Variants in CTNNA2 observed in about 807,000 individuals in gnomAD.
CTNNA2 encodes catenin alpha 2.
A neutral mutation model predicts 101.0 loss-of-function variants in CTNNA2; 42 were observed. That is an observed-to-expected ratio of 0.42 (90% CI 0.32 to 0.54). The LOEUF (loss-of-function observed/expected upper bound fraction) is 0.54. CTNNA2 is among the 20% of genes least tolerant of loss of function. The pLI is 0.14. For synonymous variants in CTNNA2, 450 were observed against 456.4 expected (o/e 0.99, Z 0.18); for missense variants, 871 against 1,223.1 (o/e 0.71, Z 4.29).
chr2:79,302,569 G>T (rs750688376), intron 2 of CTNNA2, among the ~76,000 whole-genome samples: 3 of 152,078 alleles, frequency 2.0e-5, no homozygotes, highest in Admixed American at 6.6e-5. Flanking sequence ...GAAGATTGAG[G>T]TATCTTGAGA....
chr2:80,559,732 C>T (rs1325599346), intron 12 of CTNNA2, among the ~76,000 whole-genome samples: 1 of 151,954 alleles, frequency 6.6e-6, no homozygotes, highest in Non-Finnish European at 1.5e-5. Flanking sequence ...ATGGGCTCTT[C>T]AATAAAACCT....
intron 7 of CTNNA2, among the ~76,000 whole-genome samples, chr2:80,216,961 C>G (rs1285415600): frequency 6.6e-6 from 1 of 151,870 alleles, no homozygotes; most frequent in Non-Finnish European, 1.5e-5. Flanking sequence ...CCTCAGCCTC[C>G]CACGTAGCTG....
intron 7 of CTNNA2, among the ~76,000 whole-genome samples, chr2:80,367,828 T>C (rs1675076724): frequency 1.3e-5 from 2 of 152,136 alleles, no homozygotes; most frequent in South Asian, 4.1e-4. Context: ...TGTTGGTTTG[T>C]TTTTATCATT....
chr2:80,467,089 A>T (rs2149480573), intron 9 of CTNNA2, among the ~76,000 whole-genome samples: 1 of 152,280 alleles, frequency 6.6e-6, no homozygotes, highest in African/African-American at 2.4e-5. Context: ...CAAATACCTT[A>T]ACATAAAGAA....
At chr2:79,429,207 G>T (rs562515975) in intron 4 of CTNNA2, among the ~76,000 whole-genome samples, 7 of 152,104 alleles carry the variant, frequency 4.6e-5, no homozygotes, top group African/African-American at 1.7e-4. Flanking sequence ...AACAATATGG[G>T]ATCTGTTAAG....
At chr2:80,566,530 A>G (rs1185810718) in intron 12 of CTNNA2, among the ~76,000 whole-genome samples, 2 of 152,200 alleles carry the variant, frequency 1.3e-5, no homozygotes, top group Non-Finnish European at 2.9e-5. Flanking sequence ...AAATCCCACA[A>G]CATGGACTTA....
At chr2:80,246,840 T>A (rs557771715) in intron 7 of CTNNA2, among the ~76,000 whole-genome samples, 4 of 152,338 alleles carry the variant, frequency 2.6e-5, no homozygotes, top group African/African-American at 9.6e-5. Context: ...TTACATTAAC[T>A]GGTTAATTGC....
intron 7 of CTNNA2, among the ~76,000 whole-genome samples, chr2:80,335,159 T>C (rs988200325): frequency 1.3e-5 from 2 of 152,148 alleles, no homozygotes; most frequent in African/African-American, 4.8e-5. Context: ...GGGAGAAAAC[T>C]TTCATTAGAG....
intron 2 of CTNNA2, among the ~76,000 whole-genome samples, chr2:79,251,283 C>A (rs555296970): frequency 6.6e-6 from 1 of 152,188 alleles, no homozygotes; most frequent in Non-Finnish European, 1.5e-5. Flanking sequence ...ATTCAAAAAA[C>A]CCTGCTGTTT....
rs553960841 is a variant in CTNNA2, at chr2:79,322,093, T to C, written c.-318+9297T>C. Among the ~76,000 whole-genome samples, 12 of 152,298 alleles carry C rather than the reference T, an allele frequency of 7.9e-5. No homozygotes were observed. The South Asian group carries it at 1.0e-3, about 13-fold the overall frequency. On this transcript the variant is annotated intron_variant, in intron 3 of 21. Coordinates refer to the CTNNA2 transcript ENST00000466387. ...AAACTAATTAGGGAACAATTAATAA[T>C]TCAAAACTGTAATAAAGCTGTTTTA...
intron 7 of CTNNA2, among the ~76,000 whole-genome samples, chr2:80,168,665 G>A (rs1353573232): frequency 1.3e-5 from 2 of 152,110 alleles, no homozygotes; most frequent in African/African-American, 4.8e-5. Context: ...AATCTTGGTT[G>A]CACATTTACA....
At chr2:79,355,747 T>A (rs1677495287) in intron 3 of CTNNA2, among the ~76,000 whole-genome samples, 2 of 152,186 alleles carry the variant, frequency 1.3e-5, no homozygotes, top group South Asian at 4.1e-4. Context: ...GTTTTCTAGG[T>A]TATCCACATT....
intron 4 of CTNNA2, among the ~76,000 whole-genome samples, chr2:79,411,939 A>T (rs961019842): frequency 2.0e-5 from 3 of 152,170 alleles, no homozygotes; most frequent in African/African-American, 7.2e-5. Context: ...CAATTAAAAG[A>T]CACAGACTGG....
chr2:79,970,675 A>AT (rs1478387572), intron 7 of CTNNA2, among the ~76,000 whole-genome samples: 1 of 152,142 alleles, frequency 6.6e-6, no homozygotes, highest in African/African-American at 2.4e-5. Flanking sequence ...TCTGTCGGGT[A>AT]TTAGATACAA....
rs556306125 is a variant in CTNNA2, at chr2:79,363,988, A to T, written c.-317-9843A>T. Among the ~76,000 whole-genome samples the T allele has an allele frequency of 5.4e-4, 83 of 152,310 alleles. 1 individual carries two copies. Among genetic ancestry groups the T allele is most frequent in the South Asian group, 1.2e-3 (6 of 4,824 alleles). ...TCCTGGAACAGAGTTTCAATCCTTAATGTGACTTTGAGCTGGAGAAAAGGC... is the reference window on the plus strand; with the variant it reads ...TCCTGGAACAGAGTTTCAATCCTTATTGTGACTTTGAGCTGGAGAAAAGGC... On this transcript the variant is annotated intron_variant, in intron 3 of 21. Coordinates refer to the CTNNA2 transcript ENST00000466387.
chr2:79,952,347 G>A (rs1355516989), intron 7 of CTNNA2, among the ~76,000 whole-genome samples: 3 of 152,102 alleles, frequency 2.0e-5, no homozygotes, highest in Non-Finnish European at 4.4e-5. Context: ...AACAACAACC[G>A]AAACTTTGCA....
chr2:80,019,529 A>T (rs1420639134), intron 7 of CTNNA2, among the ~76,000 whole-genome samples: 5 of 152,192 alleles, frequency 3.3e-5, no homozygotes, highest in African/African-American at 1.2e-4. Flanking sequence ...GAAGCTAACC[A>T]GTCAATTTGA....
chr2:80,486,291 A>G (rs1686576354), intron 9 of CTNNA2, among the ~76,000 whole-genome samples: 2 of 152,184 alleles, frequency 1.3e-5, no homozygotes, highest in Non-Finnish European at 2.9e-5. Context: ...TCCAAAGGCA[A>G]TATCACATAG....
intron 1 of CTNNA2, among the ~76,000 whole-genome samples, chr2:79,589,547 T>A (rs1330555128): frequency 6.6e-6 from 1 of 152,064 alleles, no homozygotes; most frequent in Non-Finnish European, 1.5e-5. Flanking sequence ...TGTTTAAGAC[T>A]TTCCCCAGAC....
Sources: allele counts gnomAD v4.1 joint callset (sites outside exome capture counted in the v4.1 genomes callset), GRCh38; gene constraint gnomAD v4.1.1; transcripts MANE v1.5; gene names NCBI Gene and HGNC (gene_info 2026-07-23, HGNC 2026-07-21).